The following GDPD4 variants were observed in gnomAD, a reference collection of about 807,000 sequenced individuals.
The protein encoded by GDPD4 is glycerophosphodiester phosphodiesterase 6.
Under a neutral mutation model 67.8 loss-of-function variants are expected in GDPD4, and 60 were observed. That is an observed-to-expected ratio of 0.88 (90% CI 0.72 to 1.10). The LOEUF is 1.10. Among genes scored for constraint, GDPD4 ranks in the 50% least tolerant of loss-of-function variants. The probability of loss-of-function intolerance (pLI) is 0.00; values close to 1 mark genes in which losing one functional copy is unlikely to be tolerated. For synonymous variants in GDPD4, 212 were observed against 210.9 expected, an observed-to-expected ratio of 1.00 and a Z score of -0.04; for missense variants, 623 against 613.9, an observed-to-expected ratio of 1.01 and a Z score of -0.16.
intron 13 of GDPD4, among the ~76,000 whole-genome samples, chr11:77,239,268 C>A (rs1958619270): frequency 6.6e-6 from 1 of 152,180 alleles, no homozygotes. Flanking sequence ...GAAAGCTTTT[C>A]CTCTAAGATC....
At chr11:77,297,958 TATACA>T (rs1275539208) in intron 1 of GDPD4, among the ~76,000 whole-genome samples, 2 of 152,126 alleles carry the variant, frequency 1.3e-5, no homozygotes, top group African/African-American at 4.8e-5. Flanking sequence ...AATAAACATC[TATACA>T]ATACACTAGG....
chr11:77,218,951 T>C lies in GDPD4; in HGVS notation c.1526-1637A>G, dbSNP rs771560165. On this transcript the variant is annotated intron_variant, in intron 16 of 16. Transcript: ENST00000315938. ...AAATGGTATTTCTAGTTCTAGATCC[T>C]CGAGGAATCGCCACACTGTCTTCCA... 7.4e-4 allele frequency among the ~76,000 whole-genome samples: 113 copies of C among 152,320 alleles called. 2 individuals are homozygous for C. The highest frequency in any genetic ancestry group is 1.4e-3 in the Non-Finnish European group (92 of 68,032).
chr11:77,294,654 A>G (rs1296773687), intron 1 of GDPD4, among the ~76,000 whole-genome samples: 1 of 152,172 alleles, frequency 6.6e-6, no homozygotes, highest in Non-Finnish European at 1.5e-5. Context: ...TGATTCTAAG[A>G]TTTATAAGGA....
At chr11:77,232,652 G>T (rs1182403221) in intron 14 of GDPD4, among the ~76,000 whole-genome samples, 1 of 152,198 alleles carries the variant, frequency 6.6e-6, no homozygotes, top group Non-Finnish European at 1.5e-5. Flanking sequence ...CAAAGGTGGG[G>T]CTACAGTAAC....
In GDPD4 at chr11:77,229,292, G is replaced by C. The variant is rs546733942; in HGVS notation, c.1390-60C>G. The stretch of plus-strand genomic sequence containing the variant: ...AGTTAGAAGGGATTTTGGATCATAC[G>C]GTCTAAGTCCCTTGCTCTGCTGCCA... On this transcript the variant is annotated intron_variant, in intron 14 of 16. Transcript: ENST00000315938. The C allele has an allele frequency of 1.8e-5, 18 of 1,011,116 alleles. No homozygotes were observed. In the South Asian group the frequency reaches 2.5e-4, roughly 14 times the overall value. The allele number at this position is 1,011,116 out of a possible 1,614,324, so 62.6% of individuals were successfully genotyped here.
At position 77,285,070 on chromosome 11, in the gene GDPD4, A is replaced by G; in HGVS notation, c.53+15T>C. 2 of 1,596,908 alleles carry G rather than the reference A, an allele frequency of 1.3e-6. No homozygotes were observed. Among genetic ancestry groups the G allele is most frequent in the Non-Finnish European group, 1.7e-6 (2 of 1,165,126 alleles). ...ATACCCTTACACAAATGAAACTACA[A>G]AAAGTGAAACTCACCAGTCAAAGTT... On this transcript the variant is annotated intron_variant, in intron 3 of 16. Transcript: ENST00000315938.
chr11:77,219,841 AG>A (rs753302919), intron 16 of GDPD4, among the ~76,000 whole-genome samples: 1 of 152,206 alleles, frequency 6.6e-6, no homozygotes, highest in Non-Finnish European at 1.5e-5. Context: ...CTTTTTGCTT[AG>A]GATTGTCTTG....
chr11:77,254,765 T>C (rs1430329666), intron 11 of GDPD4, among the ~76,000 whole-genome samples: 1 of 152,250 alleles, frequency 6.6e-6, no homozygotes, highest in African/African-American at 2.4e-5. Context: ...GTATCTATTC[T>C]TATTTTGTTA....
chr11:77,219,436 T>A (rs558507499), intron 16 of GDPD4, among the ~76,000 whole-genome samples: 15 of 152,290 alleles, frequency 9.8e-5, no homozygotes, highest in Middle Eastern at 3.4e-3. Context: ...GGTGTTTTAG[T>A]CATGAAGTCC....
At chr11:77,226,342 A>T (rs570321468) in intron 16 of GDPD4, among the ~76,000 whole-genome samples, 2 of 152,196 alleles carry the variant, frequency 1.3e-5, no homozygotes, top group Non-Finnish European at 2.9e-5. Context: ...GCACTTCAGG[A>T]GTAATTAAGG....
chr11:77,271,212 G>T lies in GDPD4; in HGVS notation c.318C>A (p.Pro106=). ...VAGLSMQIFA[P]YVHLVSITVM... ...CAGTTATGCTGACCAGGTGCACGTA[G>T]GGAGCAAAGATCTGTGAGAAAGCCA... Residue 106 remains proline, a synonymous_variant, in exon 7 of 17, where the codon CCC becomes CCA. Transcript: ENST00000315938. The T allele has an allele frequency of 6.2e-7, 1 of 1,613,232 alleles. No individual in the cohort carries two copies.
At chr11:77,221,786 T>TTG (rs150567332) in intron 16 of GDPD4, among the ~76,000 whole-genome samples, 133,506 of 151,902 alleles carry the variant, frequency 0.88, 58,858 homozygotes, top group Middle Eastern at 0.91. Context: ...CTGGATATCC[T>TTG]TGTTAACCTT....
intron 11 of GDPD4, 78 bp downstream of exon 11, chr11:77,258,308 G>A (rs1959042623): frequency 7.4e-7 from 1 of 1,357,240 alleles, no homozygotes; most frequent in Non-Finnish European, 1.1e-6. Flanking sequence ...TTCATCTATG[G>A]CCTTTATTTT....
intron 5 of GDPD4, 28 bp from the exon 6 acceptor site, chr11:77,271,421 A>G (rs774003497): frequency 5.9e-6 from 8 of 1,360,208 alleles, no homozygotes; most frequent in Non-Finnish European, 8.4e-6. Flanking sequence ...AAATCTCCTG[A>G]CTTCAAGCAC....
At chr11:77,219,161 ATG>A (rs1386234861) in intron 16 of GDPD4, among the ~76,000 whole-genome samples, 5 of 152,066 alleles carry the variant, frequency 3.3e-5, no homozygotes, top group Admixed American at 3.3e-4. Flanking sequence ...GCATTTTTTC[ATG>A]TGTCTGTTGG....
chr11:77,274,297 T>C (rs1405906205), intron 5 of GDPD4, among the ~76,000 whole-genome samples: 12 of 152,228 alleles, frequency 7.9e-5, no homozygotes, highest in African/African-American at 7.2e-5. Flanking sequence ...TAAGAGGATA[T>C]TGATAAGGCT....
intron 4 of GDPD4, 77 bp downstream of exon 4, chr11:77,279,229 G>A: frequency 1.1e-6 from 1 of 892,042 alleles, no homozygotes; most frequent in South Asian, 1.4e-5. Context: ...AGTACCAACT[G>A]GATACTATAC....
chr11:77,271,803 C>T (rs1959234241), intron 5 of GDPD4, among the ~76,000 whole-genome samples: 1 of 152,148 alleles, frequency 6.6e-6, no homozygotes, highest in Non-Finnish European at 1.5e-5. Flanking sequence ...CTGTAATTGC[C>T]TTTTCAACGT....
rs1027995216 is a variant in GDPD4, at chr11:77,279,254, C to A, written c.147+52G>T. The A allele has an allele frequency of 3.5e-6, 4 of 1,156,120 alleles. No homozygotes were observed. In the African/African-American group the frequency reaches 6.0e-5, roughly 17 times the overall value. 71.6% of individuals were successfully genotyped at this position (1,156,120 alleles called of 1,614,324 possible). On this transcript the variant is annotated intron_variant, in intron 4 of 16. Coordinates refer to ENST00000315938, the MANE Select transcript of GDPD4 (RefSeq NM_182833.3). ...GGATACTATACCACAGGCAGGAACACCTCATCAGGCTACTCAGGAAGGGAG... is the reference window on the plus strand; with the variant it reads ...GGATACTATACCACAGGCAGGAACAACTCATCAGGCTACTCAGGAAGGGAG...
Sources: gnomAD v4.1 joint callset for allele counts (sites outside exome capture counted in the v4.1 genomes callset) on GRCh38, gnomAD v4.1.1 for gene constraint, MANE v1.5 for transcripts, NCBI Gene and HGNC (gene_info 2026-07-23, HGNC 2026-07-21) for gene names.